The following LTBP2 variants were observed in gnomAD, a reference collection of about 807,000 sequenced individuals.
LTBP2 encodes latent transforming growth factor beta binding protein 2, also known as latent-transforming growth factor beta-binding protein 2.
LTBP2 carries 103 observed loss-of-function variants against 210.6 expected under a neutral mutation model. That is an observed-to-expected ratio of 0.49 (90% CI 0.42 to 0.58). LTBP2 has a LOEUF of 0.58. Among genes scored for constraint, LTBP2 ranks in the 20% least tolerant of loss-of-function variants. LTBP2 has a pLI of 0.00. For synonymous variants in LTBP2, 1,007 were observed against 1,015.0 expected (o/e 0.99, Z 0.15); for missense variants, 2,313 against 2,494.5 (o/e 0.93, Z 1.55).
intron 8 of LTBP2, among the ~76,000 whole-genome samples, chr14:74,540,181 A>G (rs2087474733): frequency 6.6e-6 from 1 of 152,120 alleles, no homozygotes; most frequent in Non-Finnish European, 1.5e-5. Flanking sequence ...AATCCAAAAA[A>G]TCAGGTTAAG....
chr14:74,501,939 GTGTT>G, intron 34 of LTBP2: 1 of 385,188 alleles, frequency 2.6e-6, no homozygotes, highest in South Asian at 2.5e-5. Context: ...AAGGGGTGAG[GTGTT>G]TTGTTTAAAC....
rs768712611 is a variant in LTBP2 at position 74,508,948 on chromosome 14, C to T, written c.3408G>A (p.Val1136=). Residue 1136 remains valine (V), a synonymous_variant, in exon 23 of 36, where the codon GTG becomes GTA. Transcript: ENST00000261978. ...TGCTCTGGGGGTCTTCACATTCATC[C>T]ACATCTGCAGGGCCACACAGGGGAG... The part of the protein sequence containing the change: ...PSPLGDSCED[V]DECEDPQSSC... The T allele has an allele frequency of 4.3e-6, 7 of 1,613,452 alleles. No homozygotes were observed. Among genetic ancestry groups the T allele is most frequent in the Non-Finnish European group, 5.9e-6 (7 of 1,179,956 alleles).
Position 74,508,666 on chromosome 14 carries a change from C to G in LTBP2, c.3590G>C (p.Gly1197Ala), listed in dbSNP as rs773026165. Reference protein sequence around the residue: ...APHGECLNSHGSFFCLCAPGF... With the variant: ...APHGECLNSHASFFCLCAPGF... Reference sequence around the variant, plus strand: ...AGGCGCGCACAGACAGAAGAAAGACCCGTGGCTGTTGAGGCACTCGCCGTG... The same window carrying G: ...AGGCGCGCACAGACAGAAGAAAGACGCGTGGCTGTTGAGGCACTCGCCGTG... Residue 1197 changes from glycine to alanine, a missense_variant, in exon 24 of 36, where the codon GGG becomes GCG. By Grantham distance (60) the Gly-to-Ala change is moderately conservative (BLOSUM62 0). Transcript: ENST00000261978. The G allele has an allele frequency of 1.1e-5, 18 of 1,613,508 alleles. No homozygotes were observed. The highest frequency in any genetic ancestry group is 3.3e-5 in the South Asian group (3 of 91,080).
intron 1 of LTBP2, among the ~76,000 whole-genome samples, chr14:74,605,545 C>A (rs2088513838): frequency 6.6e-6 from 1 of 152,206 alleles, no homozygotes; most frequent in Non-Finnish European, 1.5e-5. Flanking sequence ...TTTTATGTCA[C>A]CACCCCTTGT....
chr14:74,583,631 G>T (rs935835592), intron 3 of LTBP2, among the ~76,000 whole-genome samples: 13 of 152,240 alleles, frequency 8.5e-5, no homozygotes, highest in Admixed American at 6.5e-4. Flanking sequence ...GTCACACACA[G>T]GAAACCTTCA....
intron 1 of LTBP2, among the ~76,000 whole-genome samples, chr14:74,607,907 A>T (rs1165423677): frequency 6.6e-6 from 1 of 152,028 alleles, no homozygotes; most frequent in African/African-American, 2.4e-5. Flanking sequence ...TGATAAAACT[A>T]GACTATGTTT....
intron 8 of LTBP2, among the ~76,000 whole-genome samples, chr14:74,542,732 T>C (rs1471745645): frequency 1.3e-5 from 2 of 150,874 alleles, no homozygotes; most frequent in Non-Finnish European, 2.9e-5. Context: ...TGACTACCTG[T>C]GTGACCTGGG....
chr14:74,529,070 G>C lies in LTBP2; in HGVS notation c.2040C>G (p.Pro680=). ...LQGLCYRSLG[P]GTCTLPLAQR... Reference sequence around the variant, plus strand: ...GGGCCAAAGGCAGGGTGCAGGTGCCGGGCCCCAGCGACCGGTAGCACAGTC... The same window carrying C: ...GGGCCAAAGGCAGGGTGCAGGTGCCCGGCCCCAGCGACCGGTAGCACAGTC... The change falls in exon 11 of 36, where the codon CCC becomes CCG. Residue 680 remains proline (P), a synonymous_variant. Transcript: ENST00000261978. 1 of 1,558,898 alleles carries C rather than the reference G, an allele frequency of 6.4e-7. No homozygotes were observed. Among genetic ancestry groups the C allele is most frequent in the African/African-American group, 1.4e-5 (1 of 73,672 alleles).
intron 13 of LTBP2, 110 bp from the exon 14 acceptor site, chr14:74,526,224 A>G: frequency 9.3e-7 from 1 of 1,072,602 alleles, no homozygotes; most frequent in African/African-American, 1.6e-5. Flanking sequence ...GAGCTCATTC[A>G]TGTTTTCATT....
rs1476381770 is a variant in LTBP2, at chr14:74,585,850, T to C, written c.830+4A>G. On this transcript the variant is annotated splice_donor_region_variant and intron_variant, in intron 3 of 35. Transcript: ENST00000261978. ...CCCCAAGCCCCATGGAGAAGGGGAC[T>C]TACCCAGCTGGTGGCGACTGTGGTG... 6.2e-7 allele frequency: 1 copy of C among 1,613,020 alleles called. No individual in the cohort carries two copies. Among genetic ancestry groups the C allele is most frequent in the African/African-American group, 1.3e-5 (1 of 74,198 alleles).
intron 3 of LTBP2, among the ~76,000 whole-genome samples, chr14:74,561,938 G>A (rs767758260): frequency 4.6e-5 from 7 of 152,148 alleles, no homozygotes; most frequent in Non-Finnish European, 8.8e-5. Context: ...GGCCAGGCAC[G>A]GTGGCTCAAG....
chr14:74,569,210 AG>A (rs2087942682), intron 3 of LTBP2, among the ~76,000 whole-genome samples: 2 of 142,088 alleles, frequency 1.4e-5, no homozygotes, highest in South Asian at 4.4e-4. Flanking sequence ...GAGGGAAAGA[AG>A]GGTGGCCAAG....
chr14:74,545,468 G>A (rs2087565217), intron 8 of LTBP2, among the ~76,000 whole-genome samples: 1 of 152,222 alleles, frequency 6.6e-6, no homozygotes, highest in African/African-American at 2.4e-5. Context: ...TGGAGATACA[G>A]AGGGCCCTGG....
At chr14:74,576,413 G>A (rs896411826) in intron 3 of LTBP2, among the ~76,000 whole-genome samples, 4 of 152,140 alleles carry the variant, frequency 2.6e-5, no homozygotes, top group African/African-American at 7.2e-5. Context: ...TATAGTAACT[G>A]GGAAAAATGG....
chr14:74,509,665 T>C (rs903695894), intron 21 of LTBP2, 69 bp downstream of exon 21: 3 of 1,608,626 alleles, frequency 1.9e-6, no homozygotes, highest in Non-Finnish European at 2.5e-6. Flanking sequence ...TGGGGACAAA[T>C]TGAGTGTTCT....
rs148435341 is a variant in LTBP2, at chr14:74,546,834, G to C, written c.1789+3029C>G. 1.1e-4 allele frequency among the ~76,000 whole-genome samples: 17 copies of C among 152,364 alleles called. No individual in the cohort carries two copies. In the East Asian group the frequency reaches 1.5e-3, roughly 14 times the overall value. ...GCTGAGCTCTCAAGGCTGGCACACA[G>C]GTGGAACCAGGAGTGCAGCAAGTGG... On this transcript the variant is annotated intron_variant, in intron 8 of 35. Transcript: ENST00000261978.
rs759689322 is a variant in LTBP2 at position 74,510,158 on chromosome 14, T to C, written c.3084A>G (p.Leu1028=). ...CACAAGAGCATCTGAAGGAGCCTTC[T>C]AGGTTGGTGCACTTTCCATGGGCAC... The part of the protein sequence containing the change: ...GVCAHGKCTN[L]EGSFRCSCEQ... The change falls in exon 20 of 36, where the codon CTA becomes CTG. Residue 1028 remains leucine (L), a synonymous_variant. Coordinates refer to ENST00000261978, the MANE Select transcript of LTBP2 (RefSeq NM_000428.3). The C allele has an allele frequency of 1.9e-6, 3 of 1,614,098 alleles. No individual in the cohort carries two copies. The highest frequency in any genetic ancestry group is 2.5e-6 in the Non-Finnish European group (3 of 1,180,020).
chr14:74,506,861 G>T (rs773142308), intron 26 of LTBP2, 38 bp from the exon 27 acceptor site: 6 of 1,530,258 alleles, frequency 3.9e-6, no homozygotes, highest in Middle Eastern at 1.8e-4. Context: ...GGATGTGTGT[G>T]TGTGTGTGTG....
At chr14:74,521,429 TC>T (rs2087201202) in intron 17 of LTBP2, among the ~76,000 whole-genome samples, 1 of 22,466 alleles carries the variant, frequency 4.5e-5, no homozygotes, top group Non-Finnish European at 1.1e-4. Context: ...GTGGGCCACA[TC>T]ACATCTTCCC....
Sources: allele counts gnomAD v4.1 joint callset (sites outside exome capture counted in the v4.1 genomes callset), GRCh38; gene constraint gnomAD v4.1.1; transcripts MANE v1.5; gene names NCBI Gene and HGNC (gene_info 2026-07-23, HGNC 2026-07-21).